The following KIF13A variants were observed in gnomAD, a reference collection of about 807,000 sequenced individuals.
The protein encoded by KIF13A is kinesin-like protein KIF13A.
Under a neutral mutation model 212.2 loss-of-function variants are expected in KIF13A, and 79 were observed. The observed-to-expected ratio is 0.37, with a 90% CI of 0.31 to 0.45. KIF13A has a LOEUF of 0.45. Ranked by LOEUF, KIF13A falls within the 20% of genes least tolerant of loss-of-function variation. The pLI, the probability that KIF13A is intolerant of heterozygous loss-of-function variation, is 1.00. For synonymous variants in KIF13A, 789 were observed against 808.6 expected, an observed-to-expected ratio of 0.98 and a Z score of 0.41; for missense variants, 1,901 against 2,209.0, an observed-to-expected ratio of 0.86 and a Z score of 2.79.
rs931897567 is a variant in KIF13A at position 17,771,140 on chromosome 6, G to A, written c.4555C>T (p.His1519Tyr). The A allele has an allele frequency of 2.5e-6, 4 of 1,612,750 alleles. No individual in the cohort carries two copies. The highest frequency in any genetic ancestry group is 2.5e-6 in the Non-Finnish European group (3 of 1,179,152). The change falls in exon 38 of 39, where the codon CAC (histidine) becomes TAC (tyrosine). Residue 1519 changes from histidine (H) to tyrosine (Y), a missense_variant. Transcript: ENST00000259711. The surrounding 1 kb of genome is among the most constrained non-coding windows in gnomAD (Gnocchi z 5.4). ...ATCTTCTTCTCACGTTTGCTATTGT[G>A]TTCTACTGGCATGCTGCTGCCATTG... is the stretch of plus-strand genomic sequence containing the variant. ...GSNGSSMPVE[H>Y]NSKREKKIDS...
At chr6:17,960,143 C>T (rs1672603852) in intron 2 of KIF13A, among the ~76,000 whole-genome samples, 1 of 152,026 alleles carries the variant, frequency 6.6e-6, no homozygotes, top group African/African-American at 2.4e-5. Flanking sequence ...ATTTGTGATT[C>T]CTCAACCCAT....
At chr6:17,867,002 C>T (rs1769469960) in intron 4 of KIF13A, among the ~76,000 whole-genome samples, 1 of 151,714 alleles carries the variant, frequency 6.6e-6, no homozygotes, top group African/African-American at 2.4e-5. Flanking sequence ...CTCTGGATTA[C>T]CCAACATTCT....
At chr6:17,857,735 G>A (rs1768277655) in intron 4 of KIF13A, among the ~76,000 whole-genome samples, 1 of 152,138 alleles carries the variant, frequency 6.6e-6, no homozygotes, top group South Asian at 2.1e-4. Flanking sequence ...ACATTCTGAA[G>A]GAAAACTTGA....
chr6:17,951,873 A>G lies in KIF13A; in HGVS notation c.146+35181T>C, dbSNP rs976076666. Among the ~76,000 whole-genome samples, 3 of 152,240 alleles carry G rather than the reference A, an allele frequency of 2.0e-5. No homozygotes were observed. Among genetic ancestry groups the G allele is most frequent in the African/African-American group, 7.2e-5 (3 of 41,464 alleles). ...TCAGTTGATGGACATTTGGTGACTC[A>G]TTACAAAAATCTTTTTTCTTAAAAG... On this transcript the variant is annotated intron_variant, in intron 2 of 38. Transcript: ENST00000259711. This position sits in a 1 kb window ranked among gnomAD's most constrained non-coding sequence, Gnocchi z 4.9.
intron 12 of KIF13A, among the ~76,000 whole-genome samples, chr6:17,833,161 C>G (rs1289246525): frequency 6.6e-6 from 1 of 151,774 alleles, no homozygotes; most frequent in Non-Finnish European, 1.5e-5. Flanking sequence ...ACAGGCCAAA[C>G]TGTACATTGA....
downstream of KIF13A, among the ~76,000 whole-genome samples, chr6:17,761,612 A>G (rs1758589619): frequency 6.6e-6 from 1 of 151,840 alleles, no homozygotes; most frequent in Non-Finnish European, 1.5e-5. Flanking sequence ...CAAACTTGTG[A>G]CCTCAGGTGA....
chr6:17,954,707 C>T (rs974296597), intron 2 of KIF13A, among the ~76,000 whole-genome samples: 3 of 152,128 alleles, frequency 2.0e-5, no homozygotes, highest in Admixed American at 6.6e-5. Flanking sequence ...GGATCTCACT[C>T]TTCTTGACCA....
rs560280009 is a variant in KIF13A, at chr6:17,860,056, G to T, written c.221-3934C>A. On this transcript the variant is annotated intron_variant, in intron 4 of 38. Coordinates refer to ENST00000259711, the MANE Select transcript of KIF13A (RefSeq NM_022113.6). ...GGCAGGGTTTGGGTCAGCTTATAGTGACTCCCTACTGTCAAGGCTGATTCC... is the reference window on the plus strand; with the variant it reads ...GGCAGGGTTTGGGTCAGCTTATAGTTACTCCCTACTGTCAAGGCTGATTCC... 4.1e-4 allele frequency among the ~76,000 whole-genome samples: 62 copies of T among 152,190 alleles called. No homozygotes were observed. The South Asian group carries it at 0.013, about 31-fold the overall frequency.
intron 9 of KIF13A, among the ~76,000 whole-genome samples, chr6:17,844,028 G>A (rs1364768745): frequency 6.9e-6 from 1 of 144,842 alleles, no homozygotes; most frequent in Admixed American, 7.0e-5. Flanking sequence ...CTGGGTGACA[G>A]AGTGAGACTC....
Position 17,818,902 on chromosome 6 carries a change from G to A in KIF13A, c.1787-1669C>T, listed in dbSNP as rs570657503. Among the ~76,000 whole-genome samples, 226 of 151,546 alleles carry A rather than the reference G, an allele frequency of 1.5e-3. 1 individual carries two copies. The highest frequency in any genetic ancestry group is 5.3e-3 in the African/African-American group (219 of 41,274). ...GAGTGATACTTTTGAAAAAGATACT[G>A]TTTTATTGATATAAAATTCTAAAAT... is the stretch of plus-strand genomic sequence containing the variant. On this transcript the variant is annotated intron_variant, in intron 16 of 38. Transcript: ENST00000259711.
chr6:17,917,389 C>T (rs1355752210), intron 2 of KIF13A, among the ~76,000 whole-genome samples: 1 of 151,558 alleles, frequency 6.6e-6, no homozygotes, highest in African/African-American at 2.4e-5. Context: ...TACAGGTGCC[C>T]GCCACCACGC....
chr6:17,799,412 G>A lies in KIF13A; in HGVS notation c.2644C>T (p.Pro882Ser). ...AAGACAAAATTTGAGAGGTTTAAGGGCAGCCCCGTTGCTTCTTTAATTTTT... is the reference window on the plus strand; with the variant it reads ...AAGACAAAATTTGAGAGGTTTAAGGACAGCCCCGTTGCTTCTTTAATTTTT... ...RVKIKEATGL[P>S]LNLSNFVFCQ... The change falls in exon 22 of 39, where the codon CCC becomes TCC. Residue 882 changes from proline (P) to serine (S), a missense_variant. By Grantham distance (74) the Pro-to-Ser change is moderately conservative. Around this residue, in one of 5 missense-constraint regions of KIF13A, gnomAD observed 534 missense variants for 536.9 expected, o/e 0.99. Transcript: ENST00000259711. The surrounding 1 kb of genome is among the most constrained non-coding windows in gnomAD (Gnocchi z 4.4). 1 of 1,586,600 alleles carries A rather than the reference G, an allele frequency of 6.3e-7. No homozygotes were observed. Among genetic ancestry groups the A allele is most frequent in the Non-Finnish European group, 8.6e-7 (1 of 1,165,562 alleles).
Position 17,787,843 on chromosome 6 carries a change from C to A in KIF13A, c.3294G>T (p.Trp1098Cys). 6.2e-7 allele frequency: 1 copy of A among 1,612,664 alleles called. No homozygotes were observed. The highest frequency in any genetic ancestry group is 1.3e-5 in the African/African-American group (1 of 75,002). The change falls in exon 27 of 39, where the codon TGG becomes TGT. Residue 1098 changes from tryptophan to cysteine, a missense_variant. Around this residue, in one of 5 missense-constraint regions of KIF13A, gnomAD observed 168 missense variants for 250.9 expected, o/e 0.67. Transcript: ENST00000259711. The surrounding 1 kb of genome is among the most constrained non-coding windows in gnomAD (Gnocchi z 4.6). ...EEDLNCVRER[W>C]SDALIKRREY... is the part of the protein sequence containing the mutation. ...CTCGTCGTTTAATGAGTGCATCTGA[C>A]CACCTCTCCCTTACGCAGTTTAAGT...
chr6:17,857,109 A>G (rs889357806), intron 4 of KIF13A, among the ~76,000 whole-genome samples: 2 of 151,360 alleles, frequency 1.3e-5, no homozygotes, highest in Admixed American at 1.3e-4. Context: ...AATGTAACAC[A>G]ACATGAGCTT....
chr6:17,955,489 A>C (rs1208590174), intron 2 of KIF13A, among the ~76,000 whole-genome samples: 1 of 152,210 alleles, frequency 6.6e-6, no homozygotes, highest in Non-Finnish European at 1.5e-5. Flanking sequence ...AATAAGTAAA[A>C]TCTTCCCTAT....
chr6:17,814,536 C>A (rs539679690), intron 17 of KIF13A, among the ~76,000 whole-genome samples: 6 of 150,740 alleles, frequency 4.0e-5, no homozygotes, highest in African/African-American at 1.5e-4. Context: ...CGTGAGCCAC[C>A]GCGCCCAGCC....
At chr6:17,802,321 C>T (rs1762531028) in intron 20 of KIF13A, among the ~76,000 whole-genome samples, 1 of 144,748 alleles carries the variant, frequency 6.9e-6, no homozygotes, top group Admixed American at 7.0e-5. Context: ...GACGGAGTTT[C>T]GCTCTTGTTG....
At position 17,831,067 on chromosome 6, in the gene KIF13A, T is replaced by A. The variant is rs1472427660; in HGVS notation, c.1401+34A>T. 6.3e-6 allele frequency: 10 copies of A among 1,589,734 alleles called. 1 individual carries two copies. The East Asian group carries it at 2.2e-4, about 35-fold the overall frequency. The stretch of plus-strand genomic sequence containing the variant: ...CAACTACGAACTGTATAGGAATGAA[T>A]CTTGATTGCATATGTATTTATATGT... On this transcript the variant is annotated intron_variant, in intron 13 of 38. Coordinates refer to ENST00000259711, the MANE Select transcript of KIF13A (RefSeq NM_022113.6).
rs1470554838 is a variant in KIF13A, at chr6:17,783,462, A to G, written c.3544+184T>C. 6.6e-6 allele frequency among the ~76,000 whole-genome samples: 1 copy of G among 151,438 alleles called. No homozygotes were observed. The highest frequency in any genetic ancestry group is 1.5e-5 in the Non-Finnish European group (1 of 67,596). ...CGTGCATGCAGTTCTCAATCACCCT[A>G]TGTGCTCTTTTTTTGATTATCCACA... On this transcript the variant is annotated intron_variant, in intron 29 of 38. Transcript: ENST00000259711. This position sits in a 1 kb window ranked among gnomAD's most constrained non-coding sequence, Gnocchi z 4.3.
Sources: allele counts gnomAD v4.1 joint callset (sites outside exome capture counted in the v4.1 genomes callset), GRCh38; gene constraint gnomAD v4.1.1; regional missense constraint gnomAD v4.1.1; non-coding constraint Gnocchi (gnomAD v3.1); transcripts MANE v1.5; gene names NCBI Gene and HGNC (gene_info 2026-07-23, HGNC 2026-07-21).